Variants in UBE2D2 observed in about 807,000 individuals in gnomAD.
The protein encoded by UBE2D2 is ubiquitin conjugating enzyme E2 D2, also known as ubiquitin-conjugating enzyme E2 D2.
UBE2D2 carries 2 observed loss-of-function variants against 24.2 expected under a neutral mutation model. The ratio of observed to expected loss-of-function variants is 0.08; its 90% CI spans 0.03 to 0.26. The LOEUF (loss-of-function observed/expected upper bound fraction) is 0.26. UBE2D2 is among the 10% of genes least tolerant of loss of function. The pLI is 1.00. For synonymous variants in UBE2D2, 58 were observed against 56.5 expected, an observed-to-expected ratio of 1.03 and a Z score of -0.12; for missense variants, 44 against 177.6, an observed-to-expected ratio of 0.25 and a Z score of 4.28.
intron 2 of UBE2D2, among the ~76,000 whole-genome samples, chr5:139,609,331 C>T (rs140919769): frequency 4.6e-5 from 7 of 151,830 alleles, no homozygotes; most frequent in Non-Finnish European, 8.8e-5. Flanking sequence ...CTGCTTGAGC[C>T]CAGGAGTTCA....
At chr5:139,551,686 G>A (rs1209871161) in intron 1 of UBE2D2, among the ~76,000 whole-genome samples, 1 of 152,232 alleles carries the variant, frequency 6.6e-6, no homozygotes, top group Non-Finnish European at 1.5e-5. Flanking sequence ...TCCAGAAACT[G>A]ACAGTCTATT....
intron 1 of UBE2D2, among the ~76,000 whole-genome samples, chr5:139,547,988 C>G (rs544979704): frequency 6.6e-6 from 1 of 151,718 alleles, no homozygotes; most frequent in South Asian, 2.1e-4. Flanking sequence ...AGCCACCGAG[C>G]CTGGCCAAAG....
chr5:139,569,609 AT>A (rs1753309069), intron 1 of UBE2D2, among the ~76,000 whole-genome samples: 1 of 152,160 alleles, frequency 6.6e-6, no homozygotes, highest in South Asian at 2.1e-4. Context: ...TTAAACTATA[AT>A]ATAGGGAAAT....
chr5:139,562,372 CTG>C, intron 1 of UBE2D2: 1 of 1,333,534 alleles, frequency 7.5e-7, no homozygotes, highest in South Asian at 1.2e-5. Context: ...TGTCCAGAAA[CTG>C]TTAAGAGTTG....
intron 1 of UBE2D2, among the ~76,000 whole-genome samples, chr5:139,588,055 C>T (rs867378441): frequency 7.2e-5 from 11 of 152,238 alleles, no homozygotes; most frequent in Admixed American, 2.6e-4. Context: ...TCTCCAACTC[C>T]TGGGCACAAG....
At chr5:139,590,122 C>T (rs555046206) in intron 1 of UBE2D2, among the ~76,000 whole-genome samples, 1 of 152,076 alleles carries the variant, frequency 6.6e-6, no homozygotes, top group South Asian at 2.1e-4. Flanking sequence ...TTACCTAATA[C>T]TCGTGTATAA....
intron 1 of UBE2D2, among the ~76,000 whole-genome samples, chr5:139,586,689 C>T (rs188958267): frequency 2.0e-5 from 3 of 151,954 alleles, no homozygotes; most frequent in African/African-American, 7.2e-5. Context: ...GGCATGAACC[C>T]GGGAGGTGGA....
upstream of UBE2D2, among the ~76,000 whole-genome samples, chr5:139,558,425 C>G (rs1455405584): frequency 6.6e-6 from 1 of 152,148 alleles, no homozygotes; most frequent in Non-Finnish European, 1.5e-5. Flanking sequence ...GTAGCTGGGA[C>G]TACAGGCGCC....
intron 1 of UBE2D2, among the ~76,000 whole-genome samples, chr5:139,533,661 A>G (rs1387795832): frequency 1.3e-5 from 2 of 151,642 alleles, no homozygotes; most frequent in East Asian, 3.9e-4. Flanking sequence ...CAAAAAAAAA[A>G]GAAAAGAAAA....
rs540132995 is a variant in UBE2D2 at position 139,586,848 on chromosome 5, T to A, written c.25-13524T>A. ...TTAGGGTAATCAGCATCTTCTTTTG[T>A]TAAACAGAATTTTAGTCCGTTTACT... On this transcript the variant is annotated intron_variant, in intron 1 of 6. Coordinates refer to ENST00000398733, the MANE Select transcript of UBE2D2 (RefSeq NM_003339.3). Among the ~76,000 whole-genome samples the A allele has an allele frequency of 2.6e-5, 4 of 152,380 alleles. No homozygotes were observed. In the South Asian group the frequency reaches 8.3e-4, roughly 32 times the overall value.
rs2126702178 is a variant in UBE2D2 at position 139,615,067 on chromosome 5, GAT to G, written c.304+103_304+104del. On this transcript the variant is annotated intron_variant, in intron 5 of 6. Coordinates refer to ENST00000398733, the MANE Select transcript of UBE2D2 (RefSeq NM_003339.3). Reference sequence around the variant, plus strand: ...ATTACTTATGTTTCTTTTAAGAAGAGATAGCAATTCTTCTTAATCTGAAATGG... The same window carrying G: ...ATTACTTATGTTTCTTTTAAGAAGAGAGCAATTCTTCTTAATCTGAAATGG... 3.4e-6 allele frequency: 4 copies of G among 1,160,244 alleles called. No individual in the cohort carries two copies. In the South Asian group the frequency reaches 4.6e-5, roughly 13 times the overall value. The allele number at this position is 1,160,244 out of a possible 1,614,324, so 71.9% of individuals were successfully genotyped here. A position where few individuals can be genotyped will look rare whatever the true frequency, so the allele number is the denominator to read the frequency against.
chr5:139,537,879 A>G (rs111551187), intron 1 of UBE2D2, among the ~76,000 whole-genome samples: 11,736 of 151,094 alleles, frequency 0.078, 546 homozygotes, highest in Middle Eastern at 0.11. Flanking sequence ...CAGGAGAATG[A>G]TGTGAACCCG....
In UBE2D2 at chr5:139,561,409, G is replaced by A. The variant is rs773164567; in HGVS notation, c.-383G>A. ...TCCACCTGCAGCAGGGAGGAAGACA[G>A]GCAATCCCTCCGGCTGTCCGACCAA... On this transcript the variant is annotated 5_prime_UTR_variant, in exon 1 of 7. Transcript: ENST00000398733. The A allele has an allele frequency of 4.1e-4, 82 of 200,076 alleles. No homozygotes were observed. The highest frequency in any genetic ancestry group is 6.4e-4 in the Non-Finnish European group (63 of 99,168). 12.4% of individuals were successfully genotyped at this position (200,076 alleles called of 1,614,324 possible). A position where few individuals can be genotyped will look rare whatever the true frequency, so the allele number is the denominator to read the frequency against.
intron 5 of UBE2D2, among the ~76,000 whole-genome samples, chr5:139,620,292 A>G (rs927958405): frequency 3.9e-5 from 6 of 152,224 alleles, no homozygotes; most frequent in Non-Finnish European, 2.9e-5. Context: ...ATCTTTTCAC[A>G]AGGTCCAGAT....
At chr5:139,619,553 G>C (rs1373512600) in intron 5 of UBE2D2, among the ~76,000 whole-genome samples, 1 of 152,118 alleles carries the variant, frequency 6.6e-6, no homozygotes, top group Non-Finnish European at 1.5e-5. Context: ...AAATACCTGA[G>C]ACTGGATAAT....
At chr5:139,551,635 T>G (rs1022502279) in intron 1 of UBE2D2, among the ~76,000 whole-genome samples, 4 of 152,170 alleles carry the variant, frequency 2.6e-5, no homozygotes, top group African/African-American at 4.8e-5. Context: ...TGCTAGACAC[T>G]GGGGATTAAA....
chr5:139,558,536 C>T (rs2126643399), upstream of UBE2D2, among the ~76,000 whole-genome samples: 1 of 152,340 alleles, frequency 6.6e-6, no homozygotes, highest in East Asian at 1.9e-4. Context: ...GATCCGCCCG[C>T]CTCGGCCTCC....
chr5:139,586,579 CAT>C (rs1489763116), intron 1 of UBE2D2, among the ~76,000 whole-genome samples: 2 of 152,090 alleles, frequency 1.3e-5, no homozygotes, highest in Non-Finnish European at 2.9e-5. Flanking sequence ...TCCTGGCTAA[CAT>C]AGTGAAACCC....
chr5:139,601,625 A>T (rs1754078967), intron 2 of UBE2D2, among the ~76,000 whole-genome samples: 1 of 151,968 alleles, frequency 6.6e-6, no homozygotes, highest in Non-Finnish European at 1.5e-5. Flanking sequence ...AAAAATAAAA[A>T]CAGGACGGGG....
Sources: allele counts gnomAD v4.1 joint callset (sites outside exome capture counted in the v4.1 genomes callset), GRCh38; gene constraint gnomAD v4.1.1; transcripts MANE v1.5; gene names NCBI Gene and HGNC (gene_info 2026-07-23, HGNC 2026-07-21).